PTK2B: variants seen among roughly 807,000 people sequenced by gnomAD.
The protein encoded by PTK2B is protein tyrosine kinase 2 beta, also known as protein-tyrosine kinase 2-beta.
In PTK2B, 71 loss-of-function variants were observed where a neutral mutation model predicts 142.9. The ratio of observed to expected loss-of-function variants is 0.50; its 90% CI spans 0.41 to 0.61. PTK2B has a LOEUF of 0.61. PTK2B is among the 20% of genes least tolerant of loss of function. The probability of loss-of-function intolerance (pLI) is 0.00; values close to 1 mark genes in which losing one functional copy is unlikely to be tolerated. For synonymous variants in PTK2B, 519 were observed against 503.4 expected (o/e 1.03, Z -0.42); for missense variants, 1,105 against 1,320.4 (o/e 0.84, Z 2.53).
chr8:27,386,745 G>A (rs1266304520), intron 1 of PTK2B, among the ~76,000 whole-genome samples: 1 of 152,158 alleles, frequency 6.6e-6, no homozygotes, highest in African/African-American at 2.4e-5. Flanking sequence ...GCAAAGAGTG[G>A]CAGACTAGGG....
intron 1 of PTK2B, among the ~76,000 whole-genome samples, chr8:27,366,431 G>T (rs955542961): frequency 5.3e-5 from 8 of 152,222 alleles, no homozygotes; most frequent in Admixed American, 5.2e-4. Context: ...GGGTGCCCAG[G>T]GTTCATGTGG....
rs536816712 is a variant in PTK2B, at chr8:27,382,302, T to A, written c.-37-15246T>A. The stretch of plus-strand genomic sequence containing the variant: ...AGATACTTTGCTCATTAAAAAAAAA[T>A]TATTATTATTTACCATTGAGTTGTT... On this transcript the variant is annotated intron_variant, in intron 1 of 30. Transcript: ENST00000346049. 7.9e-5 allele frequency among the ~76,000 whole-genome samples: 12 copies of A among 152,226 alleles called. No individual in the cohort carries two copies. The East Asian group carries it at 1.7e-3, about 22-fold the overall frequency.
rs759650182 is a variant in PTK2B at position 27,439,398 on chromosome 8, G to A, written c.1834G>A (p.Ala612Thr). The change falls in exon 20 of 31, where the codon GCC (alanine) becomes ACC (threonine). Residue 612 changes from alanine to threonine, a missense_variant and splice_region_variant. By Grantham distance (58) the Ala-to-Thr change is moderately conservative. Coordinates refer to ENST00000346049, the MANE Select transcript of PTK2B (RefSeq NM_173176.3). ...FTTASDVWMF[A>T]VCMWEILSFG... ...GACAGCCAGTGACGTCTGGATGTTC[G>A]GTGAGTGCTGATTTGGGAGGGCATG... 8.1e-6 allele frequency: 13 copies of A among 1,611,634 alleles called. No homozygotes were observed. The highest frequency in any genetic ancestry group is 1.1e-5 in the South Asian group (1 of 91,028).
intron 1 of PTK2B, among the ~76,000 whole-genome samples, chr8:27,389,049 G>T (rs1807547925): frequency 6.6e-6 from 1 of 152,148 alleles, no homozygotes; most frequent in Admixed American, 6.5e-5. Flanking sequence ...CAGTAGGCAG[G>T]TTCTCTTCTG....
In PTK2B at chr8:27,451,466, T is replaced by C; in HGVS notation, c.2524-19T>C. ...AGCCGCATGAGTGACGTTCCTGTTC[T>C]CTTTCCTCCTTCCTCCAGACGCCAG... is the stretch of plus-strand genomic sequence containing the variant. On this transcript the variant is annotated intron_variant, in intron 26 of 30. Coordinates refer to ENST00000346049, the MANE Select transcript of PTK2B (RefSeq NM_173176.3). 6.2e-7 allele frequency: 1 copy of C among 1,613,958 alleles called. No individual in the cohort carries two copies. Among genetic ancestry groups the C allele is most frequent in the Middle Eastern group, 1.7e-4 (1 of 6,060 alleles).
chr8:27,442,998 G>T lies in PTK2B; in HGVS notation c.2148+15G>T, dbSNP rs1811248992. 6.3e-7 allele frequency: 1 copy of T among 1,596,154 alleles called. No homozygotes were observed. The highest frequency in any genetic ancestry group is 8.6e-7 in the Non-Finnish European group (1 of 1,164,008). On this transcript the variant is annotated intron_variant, in intron 22 of 30. Coordinates refer to ENST00000346049, the MANE Select transcript of PTK2B (RefSeq NM_173176.3). ...CCCCACCCAAGGTAAGCCAAGCCAT[G>T]GCCTCATAAGTCCTGTGAGTCAAAG...
At chr8:27,360,700 C>T (rs1563218972) in intron 1 of PTK2B, among the ~76,000 whole-genome samples, 1 of 152,158 alleles carries the variant, frequency 6.6e-6, no homozygotes, top group African/African-American at 2.4e-5. Flanking sequence ...CCAAATGACA[C>T]GTATATTCTG....
intron 2 of PTK2B, among the ~76,000 whole-genome samples, chr8:27,416,208 A>G (rs1432274813): frequency 6.6e-6 from 1 of 152,262 alleles, no homozygotes; most frequent in Non-Finnish European, 1.5e-5. Context: ...GTGGACATGC[A>G]AAGACCTAGC....
At chr8:27,329,668 T>C (rs551011576) in intron 1 of PTK2B, among the ~76,000 whole-genome samples, 98 of 152,224 alleles carry the variant, frequency 6.4e-4, no homozygotes, top group African/African-American at 2.3e-3. Context: ...ATGAAGAGTT[T>C]CCTTGTAGAG....
chr8:27,434,402 G>T, intron 12 of PTK2B, 111 bp from the exon 13 acceptor site: 1 of 1,274,504 alleles, frequency 7.8e-7, no homozygotes, highest in Non-Finnish European at 1.1e-6. Flanking sequence ...TTGCTAATTT[G>T]GACAGACTAC....
intron 2 of PTK2B, among the ~76,000 whole-genome samples, chr8:27,405,595 T>C (rs1808662181): frequency 6.6e-6 from 1 of 152,112 alleles, no homozygotes; most frequent in Non-Finnish European, 1.5e-5. Context: ...CTGCACCCCC[T>C]CCCTGTTTCC....
At chr8:27,390,191 G>A (rs1380781685) in intron 1 of PTK2B, among the ~76,000 whole-genome samples, 1 of 152,166 alleles carries the variant, frequency 6.6e-6, no homozygotes, top group East Asian at 1.9e-4. Flanking sequence ...CAGAGGAGAG[G>A]GAGGCATGAT....
At position 27,419,979 on chromosome 8, in the gene PTK2B, A is replaced by T. The variant is rs1034576353; in HGVS notation, c.289A>T (p.Met97Leu). The part of the protein sequence containing the change: ...AECYGLRLKH[M>L]KSDEIHWLHP... Reference sequence around the variant, plus strand: ...GTGCTATGGGCTGAGGCTGAAGCACATGAAGTCCGATGAGATCCACTGGCT... The same window carrying T: ...GTGCTATGGGCTGAGGCTGAAGCACTTGAAGTCCGATGAGATCCACTGGCT... The change falls in exon 3 of 31, where the codon ATG becomes TTG. Residue 97 changes from methionine to leucine, a missense_variant. By Grantham distance (15) the Met-to-Leu change is conservative. Coordinates refer to ENST00000346049, the MANE Select transcript of PTK2B (RefSeq NM_173176.3). 5.6e-6 allele frequency: 9 copies of T among 1,614,096 alleles called. No individual in the cohort carries two copies. The highest frequency in any genetic ancestry group is 7.6e-6 in the Non-Finnish European group (9 of 1,180,048).
chr8:27,337,560 T>C (rs1804149189), intron 1 of PTK2B, among the ~76,000 whole-genome samples: 3 of 152,248 alleles, frequency 2.0e-5, no homozygotes, highest in Admixed American at 6.5e-5. Context: ...ACTTTCTATT[T>C]TTATGGATCT....
At chr8:27,379,244 T>A (rs1806864563) in intron 1 of PTK2B, among the ~76,000 whole-genome samples, 2 of 152,358 alleles carry the variant, frequency 1.3e-5, no homozygotes, top group South Asian at 4.1e-4. Flanking sequence ...CAACCACTGT[T>A]TTTTGTTTGC....
At chr8:27,310,683 T>C (rs893393060), upstream of PTK2B, 4 of 1,217,054 alleles carry the variant, frequency 3.3e-6, no homozygotes, top group Admixed American at 2.8e-5. Context: ...TCCTGCATGC[T>C]GGGAGCGAGA....
chr8:27,366,288 G>T (rs1239975094), intron 1 of PTK2B, among the ~76,000 whole-genome samples: 1 of 152,190 alleles, frequency 6.6e-6, no homozygotes, highest in Non-Finnish European at 1.5e-5. Context: ...CATCCCCCAG[G>T]GGGAGGCTGT....
At chr8:27,422,224 C>A in intron 4 of PTK2B, 80 bp from the exon 5 acceptor site, 2 of 1,354,470 alleles carry the variant, frequency 1.5e-6, no homozygotes, top group South Asian at 1.4e-5. Flanking sequence ...CAGAATGAGG[C>A]CCTTAATCTT....
At chr8:27,311,616 T>A (rs1802976326) in exon 1 of PTK2B, 1 of 246,024 alleles carries the variant, frequency 4.1e-6, no homozygotes, top group Non-Finnish European at 7.8e-6. Flanking sequence ...AGCCTCTACC[T>A]TAACCAATCC....
Sources: allele counts gnomAD v4.1 joint callset (sites outside exome capture counted in the v4.1 genomes callset), GRCh38; gene constraint gnomAD v4.1.1; transcripts MANE v1.5; gene names NCBI Gene and HGNC (gene_info 2026-07-23, HGNC 2026-07-21).